TUBB4B: variants seen among roughly 807,000 people sequenced by gnomAD.
The protein encoded by TUBB4B is tubulin beta-4B chain.
TUBB4B carries 7 observed loss-of-function variants against 34.3 expected under a neutral mutation model. The ratio of observed to expected loss-of-function variants is 0.20; its 90% CI spans 0.12 to 0.38. The LOEUF (loss-of-function observed/expected upper bound fraction) is 0.38, where lower values mean the gene tolerates loss of function less well. TUBB4B is among the 10% of genes least tolerant of loss of function. The pLI, the probability that TUBB4B is intolerant of heterozygous loss-of-function variation, is 1.00. For missense variants in TUBB4B, 178 were observed against 610.9 expected, an observed-to-expected ratio of 0.29 and a Z score of 7.47; for synonymous variants, 390 against 250.2, an observed-to-expected ratio of 1.56 and a Z score of -5.27.
In TUBB4B at chr9:137,242,716, G is replaced by T. The variant is rs765597694; in HGVS notation, c.498G>T (p.Thr166=). 1.7e-5 allele frequency: 28 copies of T among 1,613,676 alleles called. No homozygotes were observed. The highest frequency in any genetic ancestry group is 2.3e-5 in the Non-Finnish European group (27 of 1,180,036). ...AGTACCCAGACAGGATCATGAACAC[G>T]TTTAGTGTGGTGCCTTCGCCCAAAG... ...REEYPDRIMN[T]FSVVPSPKVS... The change falls in exon 4 of 4, where the codon ACG becomes ACT. Residue 166 remains threonine (T), a synonymous_variant. Transcript: ENST00000340384.
chr9:137,241,789 G>A lies in TUBB4B; in HGVS notation c.126G>A (p.Leu42=), dbSNP rs780583051. ...PTGTYHGDSD[L]QLERINVYYN... ...GCACCTACCACGGGGACAGCGACCT[G>A]CAGCTGGAACGCATCAACGTGTACT... Residue 42 remains leucine, a synonymous_variant, in exon 2 of 4, where the codon CTG becomes CTA. Transcript: ENST00000340384. 1.2e-5 allele frequency: 19 copies of A among 1,612,256 alleles called. 1 individual carries two copies. The South Asian group carries it at 2.0e-4, about 17-fold the overall frequency.
Position 137,242,468 on chromosome 9 carries a change from A to G in TUBB4B, c.278-28A>G, listed in dbSNP as rs367775012. 2.2e-5 allele frequency: 35 copies of G among 1,601,746 alleles called. No homozygotes were observed. The African/African-American group carries it at 4.3e-4, about 20-fold the overall frequency. ...ACCAGTAGTGCTGTCTACCTGGCTG[A>G]CAAATGATTAGCTGTGTTCTCTCAC... On this transcript the variant is annotated intron_variant, in intron 3 of 3. Transcript: ENST00000340384.
In TUBB4B at chr9:137,241,308, T is replaced by TCTG; in HGVS notation, c.-46_-44dup. The TCTG allele has an allele frequency of 6.3e-7, 1 of 1,575,298 alleles. No individual in the cohort carries two copies. The highest frequency in any genetic ancestry group is 1.4e-5 in the African/African-American group (1 of 73,386). ...TTGTAGCACTCTGCGCGCCCGCTCTTCTGCTGCTGTTTGTCTACTTCCTCC... is the reference window on the plus strand; with the variant it reads ...TTGTAGCACTCTGCGCGCCCGCTCTTCTGCTGCTGCTGTTTGTCTACTTCCTCC... On this transcript the variant is annotated 5_prime_UTR_variant, in exon 1 of 4. Transcript: ENST00000340384.
chr9:137,243,294 G>A lies in TUBB4B; in HGVS notation c.1076G>A (p.Arg359Gln), dbSNP rs747212339. The change falls in exon 4 of 4, where the codon CGG becomes CAG. Residue 359 changes from arginine (R) to glutamine (Q), a missense_variant. Coordinates refer to ENST00000340384, the MANE Select transcript of TUBB4B (RefSeq NM_006088.6). ...VKTAVCDIPP[R>Q]GLKMSATFIG... ...ACGGCTGTCTGTGACATCCCACCTC[G>A]GGGGCTAAAAATGTCCGCCACCTTC... The A allele has an allele frequency of 4.3e-6, 7 of 1,613,612 alleles. No individual in the cohort carries two copies. The highest frequency in any genetic ancestry group is 1.3e-5 in the African/African-American group (1 of 75,054).
rs774585919 is a variant in TUBB4B at position 137,242,965 on chromosome 9, C to T, written c.747C>T (p.Asp249=). The part of the protein sequence containing the change: ...CLRFPGQLNA[D]LRKLAVNMVP... ...GCTTCCCAGGCCAGCTCAATGCTGA[C>T]CTGCGGAAGCTGGCTGTGAACATGG... The change falls in exon 4 of 4, where the codon GAC becomes GAT. Residue 249 remains aspartate, a synonymous_variant. Transcript: ENST00000340384. The T allele has an allele frequency of 1.3e-5, 21 of 1,612,994 alleles. No homozygotes were observed. Among genetic ancestry groups the T allele is most frequent in the Admixed American group, 5.0e-5 (3 of 60,010 alleles).
chr9:137,241,756 C>G lies in TUBB4B; in HGVS notation c.93C>G (p.Asp31Glu). 6.2e-7 allele frequency: 1 copy of G among 1,612,204 alleles called. No individual in the cohort carries two copies. Among genetic ancestry groups the G allele is most frequent in the Non-Finnish European group, 8.5e-7 (1 of 1,179,528 alleles). Residue 31 changes from aspartate (D) to glutamate (E), a missense_variant, in exon 2 of 4, where the codon GAC (aspartate) becomes GAG (glutamate). Physicochemically the swap from Asp to Glu is conservative, Grantham distance 45 (BLOSUM62 2). Transcript: ENST00000340384. ...WEVISDEHGI[D>E]PTGTYHGDSD... ...TGATCAGCGATGAGCACGGCATCGA[C>G]CCCACGGGCACCTACCACGGGGACA...
Position 137,241,323 on chromosome 9 carries a change from C to G in TUBB4B, c.-38C>G, listed in dbSNP as rs376599912. On this transcript the variant is annotated 5_prime_UTR_variant, in exon 1 of 4. Transcript: ENST00000340384. ...CGCCCGCTCTTCTGCTGCTGTTTGT[C>G]TACTTCCTCCTGCTTCCCCGCCGCC... 396 of 1,587,994 alleles carry G rather than the reference C, an allele frequency of 2.5e-4. No individual in the cohort carries two copies. The highest frequency in any genetic ancestry group is 2.6e-4 in the Non-Finnish European group (300 of 1,173,270).
intron 1 of TUBB4B, 137 bp from the exon 2 acceptor site, chr9:137,241,584 G>T (rs1836743284): frequency 1.3e-6 from 1 of 774,938 alleles, no homozygotes; most frequent in South Asian, 5.7e-5. Context: ...CAGGAACCCG[G>T]CGGCCAGGGC....
chr9:137,241,640 T>G, intron 1 of TUBB4B, 81 bp from the exon 2 acceptor site: 2 of 966,798 alleles, frequency 2.1e-6, no homozygotes, highest in Non-Finnish European at 2.6e-6. Context: ...GCCGCGCCCG[T>G]CCGGGGCGGG....
intron 1 of TUBB4B, 120 bp downstream of exon 1, chr9:137,241,537 C>T (rs559902339): frequency 3.1e-6 from 3 of 982,070 alleles, no homozygotes; most frequent in Middle Eastern, 4.4e-4. Context: ...CGGGCCCCCT[C>T]CGCGGGGAAT....
In TUBB4B at chr9:137,243,606, A is replaced by G. The variant is rs761722382; in HGVS notation, c.*50A>G. Reference sequence around the variant, plus strand: ...GGGAAGCAGTGTGAACTCTTTATTCACTCCCAGCCTGTCCTGTGGCCTGTC... The same window carrying G: ...GGGAAGCAGTGTGAACTCTTTATTCGCTCCCAGCCTGTCCTGTGGCCTGTC... On this transcript the variant is annotated 3_prime_UTR_variant, in exon 4 of 4. Transcript: ENST00000340384. 9.9e-6 allele frequency: 16 copies of G among 1,611,938 alleles called. No homozygotes were observed. Among genetic ancestry groups the G allele is most frequent in the Admixed American group, 3.3e-5 (2 of 59,952 alleles).
chr9:137,243,527 G>A lies in TUBB4B; in HGVS notation c.1309G>A (p.Glu437Lys), dbSNP rs780594453. 9 of 1,613,954 alleles carry A rather than the reference G, an allele frequency of 5.6e-6. No homozygotes were observed. The highest frequency in any genetic ancestry group is 6.8e-6 in the Non-Finnish European group (8 of 1,180,014). The change falls in exon 4 of 4, where the codon GAG (glutamate) becomes AAG (lysine). Residue 437 changes from glutamate to lysine, a missense_variant. By Grantham distance (56) the Glu-to-Lys change is moderately conservative. Transcript: ENST00000340384. Reference sequence around the variant, plus strand: ...CACAGCCGAGGAGGAGGGCGAGTTCGAGGAGGAGGCTGAGGAGGAGGTGGC... The same window carrying A: ...CACAGCCGAGGAGGAGGGCGAGTTCAAGGAGGAGGCTGAGGAGGAGGTGGC... ...DATAEEEGEF[E>K]EEAEEEVA
chr9:137,242,432 G>T, intron 3 of TUBB4B, 64 bp from the exon 4 acceptor site: 2 of 1,558,660 alleles, frequency 1.3e-6, no homozygotes, highest in South Asian at 1.2e-5. Context: ...GGCTTTTTTC[G>T]CATGGCGGTG....
Position 137,241,847 on chromosome 9 carries a change from TC to T in TUBB4B, c.166+22del. 2 of 1,612,022 alleles carry T rather than the reference TC, an allele frequency of 1.2e-6. No homozygotes were observed. The highest frequency in any genetic ancestry group is 1.7e-6 in the Non-Finnish European group (2 of 1,179,460). ...GGCCACCGGTGAGGCCCCGGCCCCT[TC>T]CCCGACCGCCCTCCGGGGACCCCGC... On this transcript the variant is annotated intron_variant, in intron 2 of 3. Transcript: ENST00000340384.
At chr9:137,242,057 G>T (rs754907772) in intron 3 of TUBB4B, 36 bp downstream of exon 3, 1 of 1,597,734 alleles carries the variant, frequency 6.3e-7, no homozygotes, top group South Asian at 1.1e-5. Flanking sequence ...GCGGCTCAAA[G>T]GTCAAGGGGC....
rs572419362 is a variant in TUBB4B at position 137,241,372 on chromosome 9, C to A, written c.12C>A (p.Ile4=). 7 of 1,603,282 alleles carry A rather than the reference C, an allele frequency of 4.4e-6. No homozygotes were observed. Among genetic ancestry groups the A allele is most frequent in the African/African-American group, 1.3e-5 (1 of 74,154 alleles). ...CCGCCGCCGCCATCATGAGGGAAAT[C>A]GTGCACTTGCAGGCCGGGCAGTGCG... MRE[I]VHLQAGQCGN... is the part of the protein sequence containing the mutation. Residue 4 remains isoleucine (I), a synonymous_variant, in exon 1 of 4, where the codon ATC becomes ATA. Coordinates refer to ENST00000340384, the MANE Select transcript of TUBB4B (RefSeq NM_006088.6).
In TUBB4B at chr9:137,242,483, T is replaced by C. The variant is rs1255906572; in HGVS notation, c.278-13T>C. On this transcript the variant is annotated splice_polypyrimidine_tract_variant and intron_variant, in intron 3 of 3. Transcript: ENST00000340384. Reference sequence around the variant, plus strand: ...TACCTGGCTGACAAATGATTAGCTGTGTTCTCTCACAGGTCAGAGTGGTGC... The same window carrying C: ...TACCTGGCTGACAAATGATTAGCTGCGTTCTCTCACAGGTCAGAGTGGTGC... 3.7e-6 allele frequency: 6 copies of C among 1,608,930 alleles called. No individual in the cohort carries two copies. Among genetic ancestry groups the C allele is most frequent in the Non-Finnish European group, 5.1e-6 (6 of 1,176,704 alleles).
Position 137,242,498 on chromosome 9 carries a change from C to G in TUBB4B, c.280C>G (p.Gln94Glu). The G allele has an allele frequency of 6.2e-7, 1 of 1,612,654 alleles. No homozygotes were observed. Among genetic ancestry groups the G allele is most frequent in the Non-Finnish European group, 8.5e-7 (1 of 1,179,220 alleles). ...IFRPDNFVFG[Q>E]SGAGNNWAKG... Reference sequence around the variant, plus strand: ...TGATTAGCTGTGTTCTCTCACAGGTCAGAGTGGTGCTGGGAACAACTGGGC... The same window carrying G: ...TGATTAGCTGTGTTCTCTCACAGGTGAGAGTGGTGCTGGGAACAACTGGGC... Residue 94 changes from glutamine to glutamate, a missense_variant and splice_region_variant, in exon 4 of 4, where the codon CAG (glutamine) becomes GAG (glutamate). Coordinates refer to ENST00000340384, the MANE Select transcript of TUBB4B (RefSeq NM_006088.6).
chr9:137,242,318 C>G (rs1474976625), intron 3 of TUBB4B, 178 bp from the exon 4 acceptor site: 5 of 800,486 alleles, frequency 6.2e-6, no homozygotes, highest in African/African-American at 3.5e-5. Context: ...GGTTTGGCCC[C>G]TGACTTAATT....
Sources: allele counts gnomAD v4.1 joint callset, GRCh38; gene constraint gnomAD v4.1.1; transcripts MANE v1.5; gene names NCBI Gene and HGNC (gene_info 2026-07-23, HGNC 2026-07-21).